The following COX7B2 variants were observed in gnomAD, a reference collection of about 807,000 sequenced individuals.
The protein encoded by COX7B2 is cytochrome c oxidase subunit 7B2, mitochondrial.
For missense variants in COX7B2, 109 were observed against 95.9 expected (o/e 1.14, Z -0.57); for synonymous variants, 37 against 32.1 (o/e 1.15, Z -0.51).
intron 2 of COX7B2, among the ~76,000 whole-genome samples, chr4:46,753,782 C>A (rs891375447): frequency 1.3e-5 from 2 of 151,966 alleles, no homozygotes; most frequent in African/African-American, 4.8e-5. Flanking sequence ...AGGCAACCTA[C>A]AGAATGGGAG....
At chr4:46,879,402 T>C (rs978856883) in intron 1 of COX7B2, among the ~76,000 whole-genome samples, 1 of 152,036 alleles carries the variant, frequency 6.6e-6, no homozygotes, top group Non-Finnish European at 1.5e-5. Context: ...GCTGCCCTGC[T>C]GATTTTTTAA....
chr4:46,750,258 G>A (rs962050815), intron 2 of COX7B2, among the ~76,000 whole-genome samples: 4 of 139,808 alleles, frequency 2.9e-5, no homozygotes, highest in Non-Finnish European at 4.7e-5. Flanking sequence ...TCCAGGTGTG[G>A]TGGCACATGC....
In COX7B2 at chr4:46,870,679, T is replaced by A. The variant is rs141764056; in HGVS notation, c.-104-25665A>T. On this transcript the variant is annotated intron_variant, in intron 1 of 2. Transcript: ENST00000355591. ...CTACAAAAATCACTAGCACTAGCAT[T>A]CCAGTACACCACCAACAACCAAGCC... 5.5e-3 allele frequency among the ~76,000 whole-genome samples: 830 copies of A among 152,066 alleles called. 6 individuals are homozygous for A. The highest frequency in any genetic ancestry group is 8.7e-3 in the Non-Finnish European group (591 of 67,950).
At chr4:46,743,240 G>A (rs1714818185) in intron 2 of COX7B2, among the ~76,000 whole-genome samples, 1 of 152,140 alleles carries the variant, frequency 6.6e-6, no homozygotes, top group Admixed American at 6.6e-5. Flanking sequence ...AATATGTACA[G>A]TTCACCAGCT....
intron 1 of COX7B2, among the ~76,000 whole-genome samples, chr4:46,903,649 T>A (rs1375664830): frequency 6.6e-6 from 1 of 152,338 alleles, no homozygotes; most frequent in Admixed American, 6.5e-5. Context: ...TCATTTTTTA[T>A]CTCATACAGT....
intron 2 of COX7B2, among the ~76,000 whole-genome samples, chr4:46,736,704 T>G (rs750284847): frequency 1.3e-5 from 2 of 152,192 alleles, no homozygotes; most frequent in Non-Finnish European, 2.9e-5. Context: ...ATAGTTGTAA[T>G]CATACAGTAT....
chr4:46,764,019 C>A (rs1184904144), intron 2 of COX7B2, among the ~76,000 whole-genome samples: 1 of 152,026 alleles, frequency 6.6e-6, no homozygotes, highest in East Asian at 1.9e-4. Context: ...TGGCTATGAA[C>A]AATATACTCA....
At chr4:46,762,312 TATA>T (rs1716221792) in intron 2 of COX7B2, among the ~76,000 whole-genome samples, 1 of 76,052 alleles carries the variant, frequency 1.3e-5, no homozygotes, top group Admixed American at 1.8e-4. Context: ...TGTTATATAA[TATA>T]ATATATATTT....
At chr4:46,817,876 G>C (rs1719636660) in intron 2 of COX7B2, among the ~76,000 whole-genome samples, 1 of 152,174 alleles carries the variant, frequency 6.6e-6, no homozygotes, top group Non-Finnish European at 1.5e-5. Flanking sequence ...TTTTCCCTCA[G>C]CTTCAGAACT....
chr4:46,762,279 TAACA>T, intron 2 of COX7B2, among the ~76,000 whole-genome samples: 1 of 140,018 alleles, frequency 7.1e-6, no homozygotes, highest in South Asian at 2.1e-4. Flanking sequence ...AATATATATG[TAACA>T]TATATAAAAT....
At chr4:46,896,974 C>G (rs1333381552) in intron 1 of COX7B2, among the ~76,000 whole-genome samples, 3 of 152,180 alleles carry the variant, frequency 2.0e-5, no homozygotes, top group Non-Finnish European at 4.4e-5. Context: ...TAAATAGTCT[C>G]TCTGGAAGAT....
At chr4:46,744,758 T>TG (rs1166279582) in intron 2 of COX7B2, among the ~76,000 whole-genome samples, 1 of 149,032 alleles carries the variant, frequency 6.7e-6, no homozygotes, top group African/African-American at 2.5e-5. Context: ...TTTTTTTTTT[T>TG]GGGAGACGGA....
At chr4:46,788,772 G>C (rs770615865) in intron 2 of COX7B2, among the ~76,000 whole-genome samples, 134 of 151,900 alleles carry the variant, frequency 8.8e-4, no homozygotes, top group Admixed American at 3.3e-3. Context: ...AAATGCTATA[G>C]GAAAAAAACA....
intron 2 of COX7B2, among the ~76,000 whole-genome samples, chr4:46,804,495 AG>A (rs1482427883): frequency 2.6e-5 from 4 of 152,048 alleles, no homozygotes; most frequent in African/African-American, 9.7e-5. Flanking sequence ...TAGACAAAAA[AG>A]TTCTCCACAT....
chr4:46,765,993 G>T (rs1716511709), intron 2 of COX7B2, among the ~76,000 whole-genome samples: 1 of 151,882 alleles, frequency 6.6e-6, no homozygotes, highest in Non-Finnish European at 1.5e-5. Context: ...TGCCCATGTG[G>T]ATGCAAACTC....
At chr4:46,874,352 A>G (rs1456846661) in intron 1 of COX7B2, among the ~76,000 whole-genome samples, 1 of 152,376 alleles carries the variant, frequency 6.6e-6, no homozygotes, top group East Asian at 1.9e-4. Flanking sequence ...TTTTAGTCGC[A>G]GTGAAGATAC....
At position 46,757,508 on chromosome 4, in the gene COX7B2, A is replaced by G. The variant is rs151009598; in HGVS notation, c.-49-22267T>C. Among the ~76,000 whole-genome samples, 14 of 152,236 alleles carry G rather than the reference A, an allele frequency of 9.2e-5. No individual in the cohort carries two copies. The East Asian group carries it at 1.9e-3, about 21-fold the overall frequency. On this transcript the variant is annotated intron_variant, in intron 2 of 2. Transcript: ENST00000355591. ...TCACTTGTCACTTCTCTGCTCTGCT[A>G]ACGCCCAAAACACTGCCCTTTTGCA...
At chr4:46,761,787 C>A (rs779821277) in intron 2 of COX7B2, among the ~76,000 whole-genome samples, 2 of 151,852 alleles carry the variant, frequency 1.3e-5, no homozygotes, top group Non-Finnish European at 2.9e-5. Flanking sequence ...CAAGAGAGAC[C>A]AGGAGAAATC....
At chr4:46,883,482 T>C (rs1718877740) in intron 1 of COX7B2, among the ~76,000 whole-genome samples, 1 of 152,160 alleles carries the variant, frequency 6.6e-6, no homozygotes, top group African/African-American at 2.4e-5. Flanking sequence ...ACGCTTGTAA[T>C]TTCAGCACTT....
Sources: allele counts gnomAD v4.1 joint callset (sites outside exome capture counted in the v4.1 genomes callset), GRCh38; gene constraint gnomAD v4.1.1; transcripts MANE v1.5; gene names NCBI Gene and HGNC (gene_info 2026-07-23, HGNC 2026-07-21).